Variants in HNF4G observed in about 807,000 individuals in gnomAD.
The protein encoded by HNF4G is hepatocyte nuclear factor 4 gamma, also known as hepatocyte nuclear factor 4-gamma.
A neutral mutation model predicts 50.9 loss-of-function variants in HNF4G; 21 were observed. That is an observed-to-expected ratio of 0.41 (90% confidence interval 0.29 to 0.59). The LOEUF is 0.59. Ranked by LOEUF, HNF4G falls within the 20% of genes least tolerant of loss-of-function variation. HNF4G has a pLI of 0.26. For missense variants in HNF4G, 527 were observed against 559.4 expected, an observed-to-expected ratio of 0.94 and a Z score of 0.58; for synonymous variants, 198 against 185.6, an observed-to-expected ratio of 1.07 and a Z score of -0.54.
chr8:75,424,537 C>T (rs1810847702), intron 1 of HNF4G, among the ~76,000 whole-genome samples: 1 of 152,152 alleles, frequency 6.6e-6, no homozygotes, highest in African/African-American at 2.4e-5. Context: ...TTGCCCCTTT[C>T]TCTCCCTCCC....
chr8:75,427,170 T>G (rs1810910710), intron 1 of HNF4G, among the ~76,000 whole-genome samples: 1 of 152,214 alleles, frequency 6.6e-6, no homozygotes, highest in African/African-American at 2.4e-5. Flanking sequence ...ACTCATGATC[T>G]CTCTGTATTT....
At chr8:75,508,881 G>A (rs967412076) in intron 2 of HNF4G, among the ~76,000 whole-genome samples, 3 of 152,232 alleles carry the variant, frequency 2.0e-5, no homozygotes, top group Admixed American at 2.0e-4. Context: ...TCTATCCTAA[G>A]AGCAGTGGAA....
chr8:75,500,689 A>T lies in HNF4G; in HGVS notation c.-24+10481A>T, dbSNP rs1238175303. ...ATAGAATATCATTCAGCCATAAAAA[A>T]ATGAAGTGTTGATACCTATTACAAC... On this transcript the variant is annotated intron_variant, in intron 2 of 10. Transcript: ENST00000354370. Among the ~76,000 whole-genome samples, 5 of 152,298 alleles carry T rather than the reference A, an allele frequency of 3.3e-5. No individual in the cohort carries two copies. The East Asian group carries it at 9.6e-4, about 29-fold the overall frequency.
Position 75,565,798 on chromosome 8 carries a change from C to T in HNF4G, c.*1702C>T, listed in dbSNP as rs1389011924. The T allele has an allele frequency of 6.6e-6, 1 of 151,980 alleles. No homozygotes were observed. Among genetic ancestry groups the T allele is most frequent in the Non-Finnish European group, 1.5e-5 (1 of 67,992 alleles). The allele number at this position is 151,980 out of a possible 1,614,324, so 9.4% of individuals were successfully genotyped here. A position where few individuals can be genotyped will look rare whatever the true frequency, so the allele number is the denominator to read the frequency against. On this transcript the variant is annotated 3_prime_UTR_variant, in exon 10 of 10. Coordinates refer to ENST00000396423, the MANE Select transcript of HNF4G (RefSeq NM_004133.5). The stretch of plus-strand genomic sequence containing the variant: ...GTTAATATCAAGTAACTTATTAGCT[C>T]TTAAAGTAAAATTGAACTTATTAAA...
intron 4 of HNF4G, 90 bp downstream of exon 4, chr8:75,551,584 G>A: frequency 1.4e-6 from 1 of 730,110 alleles, no homozygotes; most frequent in South Asian, 1.7e-5. Context: ...TTTTTTCAAA[G>A]GTGCTCATTA....
At position 75,565,430 on chromosome 8, in the gene HNF4G, A is replaced by G. The variant is rs1262783772; in HGVS notation, c.*1334A>G. 3 of 152,196 alleles carry G rather than the reference A, an allele frequency of 2.0e-5. No individual in the cohort carries two copies. The highest frequency in any genetic ancestry group is 7.2e-5 in the African/African-American group (3 of 41,464). 9.4% of individuals were successfully genotyped at this position (152,196 alleles called of 1,614,324 possible). On this transcript the variant is annotated 3_prime_UTR_variant, in exon 10 of 10. Transcript: ENST00000396423. The stretch of plus-strand genomic sequence containing the variant: ...ATTCTGATGAAAACGAAAACAAAGT[A>G]AAATGACTGGCTTAGCAGATTCTTT...
intron 2 of HNF4G, among the ~76,000 whole-genome samples, chr8:75,493,466 G>A (rs1276526068): frequency 6.6e-6 from 1 of 152,076 alleles, no homozygotes; most frequent in African/African-American, 2.4e-5. Flanking sequence ...CAACAAAAGT[G>A]TAAGAGATTG....
chr8:75,486,749 A>G (rs1349121105), intron 1 of HNF4G, among the ~76,000 whole-genome samples: 1 of 152,192 alleles, frequency 6.6e-6, no homozygotes, highest in Non-Finnish European at 1.5e-5. Context: ...CATGCCTGTA[A>G]TCCCAGCGCT....
intron 1 of HNF4G, among the ~76,000 whole-genome samples, chr8:75,443,285 G>A (rs1811331047): frequency 6.6e-6 from 1 of 152,132 alleles, no homozygotes; most frequent in African/African-American, 2.4e-5. Flanking sequence ...ATGGTATTTT[G>A]TTATACCAGC....
intron 1 of HNF4G, among the ~76,000 whole-genome samples, chr8:75,455,774 A>G (rs1050557249): frequency 5.9e-5 from 9 of 152,126 alleles, no homozygotes; most frequent in African/African-American, 2.2e-4. Flanking sequence ...AAATAACCGT[A>G]ATGTACTGTG....
intron 1 of HNF4G, among the ~76,000 whole-genome samples, chr8:75,470,285 A>G (rs557884031): frequency 6.6e-6 from 1 of 152,362 alleles, no homozygotes; most frequent in African/African-American, 2.4e-5. Flanking sequence ...TCCTCATAAA[A>G]ATCAGAGGAC....
At position 75,448,968 on chromosome 8, in the gene HNF4G, C is replaced by T. The variant is rs573351519; in HGVS notation, c.-144+40806C>T. Among the ~76,000 whole-genome samples the T allele has an allele frequency of 8.5e-5, 13 of 152,168 alleles. No individual in the cohort carries two copies. The South Asian group carries it at 2.5e-3, about 29-fold the overall frequency. On this transcript the variant is annotated intron_variant, in intron 1 of 10. Coordinates refer to the HNF4G transcript ENST00000354370. Reference sequence around the variant, plus strand: ...ATTTCTCAAACCTCATTAAAAATGACAAAGAAAATCAAATAGCATAATTTC... The same window carrying T: ...ATTTCTCAAACCTCATTAAAAATGATAAAGAAAATCAAATAGCATAATTTC...
intron 2 of HNF4G, among the ~76,000 whole-genome samples, chr8:75,501,856 ATTT>A (rs11400950): frequency 0.014 from 1,709 of 120,610 alleles, 34 homozygotes; most frequent in African/African-American, 0.057. Context: ...TACCTAAAGT[ATTT>A]TTTTTTTTTT....
chr8:75,502,868 T>G (rs1283384102), intron 2 of HNF4G, among the ~76,000 whole-genome samples: 1 of 152,184 alleles, frequency 6.6e-6, no homozygotes, highest in Non-Finnish European at 1.5e-5. Context: ...TGAAATTGTC[T>G]GTTAGTAGGG....
chr8:75,513,824 A>T (rs1805817613), intron 2 of HNF4G, among the ~76,000 whole-genome samples: 1 of 151,428 alleles, frequency 6.6e-6, no homozygotes. Context: ...ACTTTTTATT[A>T]TATTTTTTAT....
At chr8:75,553,245 T>TAG (rs1256447035) in intron 5 of HNF4G, 48 bp downstream of exon 5, 1 of 1,482,698 alleles carries the variant, frequency 6.7e-7, no homozygotes, top group Non-Finnish European at 9.3e-7. Context: ...TTCTTGAACT[T>TAG]TGCTAAGTTT....
At chr8:75,549,943 C>T (rs547247931) in intron 3 of HNF4G, among the ~76,000 whole-genome samples, 1 of 152,184 alleles carries the variant, frequency 6.6e-6, no homozygotes, top group South Asian at 2.1e-4. Context: ...ATGAACTCAT[C>T]ATTTTTTATG....
intron 1 of HNF4G, among the ~76,000 whole-genome samples, chr8:75,431,741 C>T (rs1308040635): frequency 6.6e-6 from 1 of 151,868 alleles, no homozygotes; most frequent in African/African-American, 2.4e-5. Flanking sequence ...GCCTGGCCAA[C>T]GTGGTGAAAC....
intron 2 of HNF4G, among the ~76,000 whole-genome samples, chr8:75,499,822 C>G (rs1276320930): frequency 1.3e-5 from 2 of 151,884 alleles, no homozygotes; most frequent in Non-Finnish European, 2.9e-5. Context: ...GGAGATAGGA[C>G]AACTGGAAAT....
Sources: allele counts gnomAD v4.1 joint callset (sites outside exome capture counted in the v4.1 genomes callset), GRCh38; gene constraint gnomAD v4.1.1; transcripts MANE v1.5; gene names NCBI Gene and HGNC (gene_info 2026-07-23, HGNC 2026-07-21).